FANCD2: variants seen among roughly 807,000 people sequenced by gnomAD.
The protein encoded by FANCD2 is Fanconi anemia group D2 protein.
A neutral mutation model predicts 192.3 loss-of-function variants in FANCD2; 131 were observed. The ratio of observed to expected loss-of-function variants is 0.68; its 90% CI spans 0.59 to 0.79. The LOEUF is 0.79. Among genes scored for constraint, FANCD2 ranks in the 30% least tolerant of loss-of-function variants. The pLI, the probability that FANCD2 is intolerant of heterozygous loss-of-function variation, is 0.00. For synonymous variants in FANCD2, 524 were observed against 612.5 expected, an observed-to-expected ratio of 0.86 and a Z score of 2.13; for missense variants, 1,508 against 1,701.6, an observed-to-expected ratio of 0.89 and a Z score of 2.00.
intron 7 of FANCD2, among the ~76,000 whole-genome samples, chr3:10,038,073 C>T (rs1393890515): frequency 6.6e-6 from 1 of 152,210 alleles, no homozygotes; most frequent in Non-Finnish European, 1.5e-5. Context: ...TCACTGCAAC[C>T]TCTGCCTCCT....
Position 10,046,055 on chromosome 3 carries a change from C to CTTTTTTTTTTTTTT in FANCD2, c.1135-523_1135-510dup, listed in dbSNP as rs57661428. Among the ~76,000 whole-genome samples, 329 of 124,272 alleles carry CTTTTTTTTTTTTTT rather than the reference C, an allele frequency of 2.6e-3. 7 individuals are homozygous for CTTTTTTTTTTTTTT. The highest frequency in any genetic ancestry group is 4.2e-3 in the African/African-American group (128 of 30,312). The allele number at this position is 124,272 out of a possible 152,430, so 81.5% of individuals were successfully genotyped here. A position where few individuals can be genotyped will look rare whatever the true frequency, so the allele number is the denominator to read the frequency against. ...ACTTTCATGCATATTGCTCTGTATT[C>CTTTTTTTTTTTTTT]TTTTTTTTTTTTTTTGAGAATGGAA... On this transcript the variant is annotated intron_variant, in intron 14 of 43. Coordinates refer to ENST00000675286, the MANE Select transcript of FANCD2 (RefSeq NM_001018115.3).
intron 9 of FANCD2, 60 bp downstream of exon 9, chr3:10,039,905 A>T: frequency 6.2e-7 from 1 of 1,600,334 alleles, no homozygotes; most frequent in Non-Finnish European, 8.6e-7. Flanking sequence ...CTATCACTGC[A>T]GTATGCAAAG....
Position 10,081,522 on chromosome 3 carries a change from C to A in FANCD2, c.3224+58C>A. On this transcript the variant is annotated intron_variant, in intron 32 of 43. Coordinates refer to ENST00000675286, the MANE Select transcript of FANCD2 (RefSeq NM_001018115.3). ...TATATACTTGCTTTTATTTGACAGT[C>A]ACCAAGGCACTGAAATGTAGAAAAG... 3 of 1,119,288 alleles carry A rather than the reference C, an allele frequency of 2.7e-6. No individual in the cohort carries two copies. In the South Asian group the frequency reaches 3.7e-5, roughly 14 times the overall value. 69.3% of individuals were successfully genotyped at this position (1,119,288 alleles called of 1,614,324 possible).
At position 10,085,398 on chromosome 3, in the gene FANCD2, T is replaced by C. The variant is rs3936531; in HGVS notation, c.3225-414T>C. ...ATTCTTTTTTCTTTTTTCTTTCTTT[T>C]TTTTTTTTTTTTGAGATGGAGTCTC... On this transcript the variant is annotated intron_variant, in intron 32 of 43. Transcript: ENST00000675286. 5.8e-3 allele frequency among the ~76,000 whole-genome samples: 874 copies of C among 149,534 alleles called. 33 individuals carry two copies. The East Asian group carries it at 0.097, about 17-fold the overall frequency.
chr3:10,090,409 A>C, intron 37 of FANCD2, 24 bp downstream of exon 37: 1 of 1,424,726 alleles, frequency 7.0e-7, no homozygotes. Flanking sequence ...TAGTCACTTC[A>C]AGAAGTGGAC....
Position 10,073,260 on chromosome 3 carries a change from A to G in FANCD2, c.2613A>G (p.Lys871=). ...KIRKKGKIER[K]QKTDGSKTSS... ...CTCTTTTTAATATAAAAGAAAGGAAACAAAAAACAGATGGCAGCAAGACAT... is the reference window on the plus strand; with the variant it reads ...CTCTTTTTAATATAAAAGAAAGGAAGCAAAAAACAGATGGCAGCAAGACAT... Residue 871 remains lysine (K), a synonymous_variant, in exon 28 of 44, where the codon AAA becomes AAG. Coordinates refer to ENST00000675286, the MANE Select transcript of FANCD2 (RefSeq NM_001018115.3). 6.3e-7 allele frequency: 1 copy of G among 1,587,536 alleles called. No homozygotes were observed. Among genetic ancestry groups the G allele is most frequent in the Non-Finnish European group, 8.6e-7 (1 of 1,157,292 alleles).
chr3:10,085,584 A>G (rs956266205), intron 32 of FANCD2, among the ~76,000 whole-genome samples: 1 of 151,372 alleles, frequency 6.6e-6, no homozygotes, highest in East Asian at 1.9e-4. Flanking sequence ...TAGAGACGGG[A>G]TTTCACCGTG....
chr3:10,043,830 C>T lies in FANCD2; in HGVS notation c.1100C>T (p.Ala367Val). ...EKTISEAWIKAIENTASVSEH... is the reference protein window; with the variant it reads ...EKTISEAWIKVIENTASVSEH... ...TGTGACTCTCTCCTGTTTTTTCAGG[C>T]AATTGAAAACACTGCCTCAGTATCT... The change falls in exon 14 of 44, where the codon GCA (alanine) becomes GTA (valine). Residue 367 changes from alanine (A) to valine (V), a missense_variant and splice_region_variant. Coordinates refer to ENST00000675286, the MANE Select transcript of FANCD2 (RefSeq NM_001018115.3). 6.2e-7 allele frequency: 1 copy of T among 1,613,172 alleles called. No homozygotes were observed. Among genetic ancestry groups the T allele is most frequent in the Non-Finnish European group, 8.5e-7 (1 of 1,179,180 alleles).
At chr3:10,073,095 T>C (rs1407006427) in intron 27 of FANCD2, 114 bp downstream of exon 27, 1 of 849,474 alleles carries the variant, frequency 1.2e-6, no homozygotes, top group Non-Finnish European at 2.0e-6. Flanking sequence ...AACTGAACTC[T>C]TCCTTTATTA....
chr3:10,061,070 C>T (rs1214915514), intron 19 of FANCD2, among the ~76,000 whole-genome samples: 5 of 152,142 alleles, frequency 3.3e-5, no homozygotes, highest in Non-Finnish European at 1.5e-5. Context: ...GGACATGCAG[C>T]CCTCCTGCGC....
chr3:10,086,482 G>A (rs1393377767), intron 33 of FANCD2, among the ~76,000 whole-genome samples: 1 of 151,944 alleles, frequency 6.6e-6, no homozygotes, highest in Non-Finnish European at 1.5e-5. Context: ...TATAGGTCAG[G>A]ACCTTATATC....
intron 23 of FANCD2, 58 bp from the exon 24 acceptor site, chr3:10,065,336 T>G: frequency 1.8e-6 from 2 of 1,098,014 alleles, no homozygotes; most frequent in South Asian, 2.5e-5. Context: ...TATCTCCCTA[T>G]GTACGTGGAG....
At chr3:10,099,120 A>G in intron 43 of FANCD2, 1 of 1,488,630 alleles carries the variant, frequency 6.7e-7, no homozygotes, top group Non-Finnish European at 8.9e-7. Context: ...AGAAGGGAGA[A>G]GTCATCGAAG....
At position 10,101,785 on chromosome 3, in the gene FANCD2, T is replaced by C; in HGVS notation, c.*523T>C. On this transcript the variant is annotated 3_prime_UTR_variant, in exon 44 of 44. Transcript: ENST00000675286. The stretch of plus-strand genomic sequence containing the variant: ...CAGGATTCTAATGTAGCATTATTTA[T>C]TGGTTTGGATAAACCCAGCTGTGCT... The C allele has an allele frequency of 4.9e-6, 1 of 205,916 alleles. No homozygotes were observed. The highest frequency in any genetic ancestry group is 7.9e-5 in the East Asian group (1 of 12,724). 12.8% of individuals were successfully genotyped at this position (205,916 alleles called of 1,614,324 possible).
intron 42 of FANCD2, among the ~76,000 whole-genome samples, chr3:10,097,653 T>A (rs1695053828): frequency 6.6e-6 from 1 of 152,156 alleles, no homozygotes; most frequent in South Asian, 2.1e-4. Context: ...GCTGTACAAT[T>A]TGTGTAGTTA....
intron 14 of FANCD2, among the ~76,000 whole-genome samples, chr3:10,045,971 G>C (rs771863155): frequency 2.0e-5 from 3 of 151,462 alleles, no homozygotes; most frequent in African/African-American, 4.9e-5. Context: ...GTTGGCAAGT[G>C]ATTGAATCTT....
chr3:10,099,475 TA>T (rs1695175061), intron 43 of FANCD2: 1 of 355,804 alleles, frequency 2.8e-6, no homozygotes, highest in Non-Finnish European at 4.2e-6. Flanking sequence ...AAATGAAAAA[TA>T]AACCTGGGTG....
chr3:10,042,758 G>T (rs1007622599), intron 11 of FANCD2, 95 bp downstream of exon 11: 6 of 982,860 alleles, frequency 6.1e-6, no homozygotes, highest in South Asian at 1.3e-5. Context: ...TGACTAATCC[G>T]GATAGCATTC....
chr3:10,033,066 A>C (rs932380759), intron 3 of FANCD2, 94 bp downstream of exon 3: 1 of 1,058,242 alleles, frequency 9.4e-7, no homozygotes, highest in African/African-American at 1.6e-5. Flanking sequence ...TGAAGATTAG[A>C]AATCAGAGGG....
Sources: gnomAD v4.1 joint callset for allele counts (sites outside exome capture counted in the v4.1 genomes callset) on GRCh38, gnomAD v4.1.1 for gene constraint, MANE v1.5 for transcripts, NCBI Gene and HGNC (gene_info 2026-07-23, HGNC 2026-07-21) for gene names.